CDH18: variants seen among roughly 807,000 people sequenced by gnomAD.
CDH18 encodes cadherin-18.
A neutral mutation model predicts 67.9 loss-of-function variants in CDH18; 31 were observed. That is an observed-to-expected ratio of 0.46 (90% CI 0.34 to 0.62). The LOEUF (loss-of-function observed/expected upper bound fraction) is 0.62. CDH18 is among the 20% of genes least tolerant of loss of function. The pLI, the probability that CDH18 is intolerant of heterozygous loss-of-function variation, is 0.01. For synonymous variants in CDH18, 362 were observed against 347.2 expected (o/e 1.04, Z -0.48); for missense variants, 890 against 975.5 (o/e 0.91, Z 1.17).
chr5:20,281,355 T>C (rs866195205), intron 1 of CDH18, among the ~76,000 whole-genome samples: 96 of 152,322 alleles, frequency 6.3e-4, no homozygotes, highest in Admixed American at 1.1e-3. Context: ...AACATTTAAG[T>C]CTTTAATCCA....
At chr5:20,490,235 T>C (rs1243217968) in intron 1 of CDH18, among the ~76,000 whole-genome samples, 1 of 152,104 alleles carries the variant, frequency 6.6e-6, no homozygotes, top group African/African-American at 2.4e-5. Context: ...TACAGATTTA[T>C]GGCAAACATT....
intron 1 of CDH18, among the ~76,000 whole-genome samples, chr5:20,504,886 G>A (rs1463874065): frequency 6.7e-6 from 1 of 148,662 alleles, no homozygotes; most frequent in East Asian, 2.0e-4. Context: ...TCCTGCCTCA[G>A]CCTCCTGAGT....
At chr5:19,773,579 A>C (rs1773966949) in intron 3 of CDH18, among the ~76,000 whole-genome samples, 1 of 152,210 alleles carries the variant, frequency 6.6e-6, no homozygotes, top group South Asian at 2.1e-4. Context: ...ATAAGGAAGT[A>C]GTTGAGTCAA....
At chr5:20,214,012 AC>A (rs1740564050) in intron 2 of CDH18, among the ~76,000 whole-genome samples, 1 of 152,062 alleles carries the variant, frequency 6.6e-6, no homozygotes, top group Non-Finnish European at 1.5e-5. Flanking sequence ...AAATAAACAT[AC>A]AAAAATTACT....
At chr5:20,426,285 G>A (rs185781536) in intron 1 of CDH18, among the ~76,000 whole-genome samples, 2 of 151,158 alleles carry the variant, frequency 1.3e-5, no homozygotes, top group Non-Finnish European at 2.9e-5. Flanking sequence ...GATATGCAAT[G>A]CATGATAATT....
At chr5:20,043,858 C>T (rs537102846) in intron 2 of CDH18, among the ~76,000 whole-genome samples, 1 of 152,138 alleles carries the variant, frequency 6.6e-6, no homozygotes, top group Admixed American at 6.5e-5. Flanking sequence ...GATATCTATG[C>T]CCTTTAATGT....
chr5:20,344,009 G>A (rs956149240), intron 1 of CDH18, among the ~76,000 whole-genome samples: 3 of 152,108 alleles, frequency 2.0e-5, no homozygotes, highest in Non-Finnish European at 2.9e-5. Context: ...TGATCTGGAA[G>A]GGCTCCATAA....
At chr5:19,745,679 G>T (rs1017358714) in intron 4 of CDH18, among the ~76,000 whole-genome samples, 57 of 152,192 alleles carry the variant, frequency 3.7e-4, no homozygotes, top group African/African-American at 1.3e-3. Flanking sequence ...AGTATTCTGG[G>T]CCTCTCTTAG....
intron 3 of CDH18, among the ~76,000 whole-genome samples, chr5:19,813,336 A>G (rs1259836021): frequency 6.6e-6 from 1 of 152,092 alleles, no homozygotes; most frequent in Admixed American, 6.6e-5. Flanking sequence ...TTGTTTAAAA[A>G]AAGAATTGTC....
intron 8 of CDH18, among the ~76,000 whole-genome samples, chr5:19,550,399 G>A (rs891069814): frequency 6.6e-5 from 10 of 151,856 alleles, no homozygotes; most frequent in Non-Finnish European, 1.5e-4. Context: ...ATCTCCCAAT[G>A]CTATCCCTCC....
At chr5:20,059,503 C>T (rs897061090) in intron 2 of CDH18, among the ~76,000 whole-genome samples, 21 of 152,114 alleles carry the variant, frequency 1.4e-4, no homozygotes, top group Admixed American at 7.2e-4. Context: ...CTTTAGTTGT[C>T]TCAGAGATTC....
intron 2 of CDH18, among the ~76,000 whole-genome samples, chr5:19,962,947 T>G (rs904483334): frequency 6.6e-6 from 1 of 152,132 alleles, no homozygotes; most frequent in African/African-American, 2.4e-5. Context: ...TTGAGACTCA[T>G]TGACACTATA....
intron 1 of CDH18, among the ~76,000 whole-genome samples, chr5:20,457,022 T>G (rs1485054347): frequency 6.6e-6 from 1 of 152,206 alleles, no homozygotes; most frequent in Non-Finnish European, 1.5e-5. Flanking sequence ...TTTGTAATGT[T>G]TTAAGCTTTT....
chr5:19,645,962 C>T (rs370290698), intron 5 of CDH18, among the ~76,000 whole-genome samples: 2 of 151,660 alleles, frequency 1.3e-5, no homozygotes, highest in Admixed American at 6.6e-5. Context: ...TGTTGTTTTG[C>T]GAAGAATACA....
intron 2 of CDH18, among the ~76,000 whole-genome samples, chr5:20,181,391 G>T (rs150021386): frequency 1.3e-5 from 2 of 152,160 alleles, no homozygotes; most frequent in African/African-American, 4.8e-5. Context: ...CAGAGAGGAG[G>T]ATGCACTAAT....
In CDH18 at chr5:20,144,785, T is replaced by A. The variant is rs561348694; in HGVS notation, c.-518+110659A>T. The stretch of plus-strand genomic sequence containing the variant: ...GAAGACAGGGTATTTAGAGAAGTAA[T>A]CCAGTTAAAATGAAGTGATTAGCAT... On this transcript the variant is annotated intron_variant, in intron 2 of 14. Transcript: ENST00000507958. 2.6e-5 allele frequency among the ~76,000 whole-genome samples: 4 copies of A among 152,222 alleles called. No individual in the cohort carries two copies. In the East Asian group the frequency reaches 7.7e-4, roughly 29 times the overall value.
chr5:19,853,840 T>C (rs1241371603), intron 2 of CDH18, among the ~76,000 whole-genome samples: 8 of 152,108 alleles, frequency 5.3e-5, no homozygotes, highest in Middle Eastern at 3.2e-3. Context: ...AATGCTTACA[T>C]TGTGTAAACC....
At chr5:20,509,996 C>T (rs34872189) in intron 1 of CDH18, among the ~76,000 whole-genome samples, 4,416 of 152,266 alleles carry the variant, frequency 0.029, 116 homozygotes, top group Non-Finnish European at 0.047. Flanking sequence ...TACAAGTTTT[C>T]ATCATTCCCA....
At chr5:20,295,943 C>T (rs1346272309) in intron 1 of CDH18, among the ~76,000 whole-genome samples, 1 of 139,896 alleles carries the variant, frequency 7.1e-6, no homozygotes, top group African/African-American at 2.6e-5. Context: ...GCAATCTCGG[C>T]TCACTGCAAC....
Sources: gnomAD v4.1 joint callset for allele counts (sites outside exome capture counted in the v4.1 genomes callset) on GRCh38, gnomAD v4.1.1 for gene constraint, MANE v1.5 for transcripts, NCBI Gene and HGNC (gene_info 2026-07-23, HGNC 2026-07-21) for gene names.